RASGRF1: variants seen among roughly 807,000 people sequenced by gnomAD.
The protein encoded by RASGRF1 is Ras protein specific guanine nucleotide releasing factor 1, also known as ras-specific guanine nucleotide-releasing factor 1.
In RASGRF1, 40 loss-of-function variants were observed where a neutral mutation model predicts 138.7. That is an observed-to-expected ratio of 0.29 (90% confidence interval 0.22 to 0.38). RASGRF1 has a LOEUF of 0.38. Ranked by LOEUF, RASGRF1 falls within the 10% of genes least tolerant of loss-of-function variation. The pLI is 1.00. For synonymous variants in RASGRF1, 614 were observed against 663.2 expected, an observed-to-expected ratio of 0.93 and a Z score of 1.14; for missense variants, 1,108 against 1,650.4, an observed-to-expected ratio of 0.67 and a Z score of 5.69.
Position 79,073,029 on chromosome 15 carries a change from T to C in RASGRF1, c.277-8503A>G, listed in dbSNP as rs900041526. On this transcript the variant is annotated intron_variant, in intron 1 of 26. Transcript: ENST00000558480. The surrounding 1 kb of genome is among the most constrained non-coding windows in gnomAD (Gnocchi z 4.2). Reference sequence around the variant, plus strand: ...CCTCTGCGGAACAGCAGCATTGTTCTGGAGTCAGTCCCAGGGACATCCTAG... The same window carrying C: ...CCTCTGCGGAACAGCAGCATTGTTCCGGAGTCAGTCCCAGGGACATCCTAG... Among the ~76,000 whole-genome samples, 17 of 152,186 alleles carry C rather than the reference T, an allele frequency of 1.1e-4. No individual in the cohort carries two copies. Among genetic ancestry groups the C allele is most frequent in the Non-Finnish European group, 2.4e-4 (16 of 68,028 alleles).
At chr15:78,962,502 G>A (rs569411724) in intron 26 of RASGRF1, among the ~76,000 whole-genome samples, 3 of 152,294 alleles carry the variant, frequency 2.0e-5, no homozygotes, top group South Asian at 2.1e-4. Context: ...GAAACTAGGT[G>A]GCAGATATAT....
intron 5 of RASGRF1, among the ~76,000 whole-genome samples, chr15:79,041,007 T>C (rs574450280): frequency 8.9e-4 from 135 of 152,238 alleles, no homozygotes; most frequent in Non-Finnish European, 1.5e-3. Flanking sequence ...ACAGAAATAG[T>C]CCCCATCAAG....
intron 24 of RASGRF1, among the ~76,000 whole-genome samples, chr15:78,976,083 T>C (rs895811357): frequency 6.6e-6 from 1 of 151,640 alleles, no homozygotes; most frequent in Non-Finnish European, 1.5e-5. Context: ...GGACTCAGAG[T>C]GTTTCTCAAG....
In RASGRF1 at chr15:79,003,810, C is replaced by T. The variant is rs1299694196; in HGVS notation, c.2441G>A (p.Ser814Asn). 1.9e-6 allele frequency: 3 copies of T among 1,592,520 alleles called. No homozygotes were observed. In the East Asian group the frequency reaches 6.7e-5, roughly 36 times the overall value. ...ACGGCATGGCCACTCACTCTGCTTG[C>T]TGAGCGCTGAAGGGTCTTCGGGCTT... is the stretch of plus-strand genomic sequence containing the variant. ...PEKPEDPSAL[S>N]KQSSEVSMRE... Residue 814 changes from serine (S) to asparagine (N), a missense_variant, in exon 15 of 27, where the codon AGC becomes AAC. This residue lies in a region of RASGRF1 where 686 missense variants were observed against 976.7 expected (regional missense o/e 0.70). Coordinates refer to ENST00000558480, the MANE Select transcript of RASGRF1 (RefSeq NM_001145648.3).
At chr15:79,054,647 A>G (rs184216346) in intron 3 of RASGRF1, among the ~76,000 whole-genome samples, 6 of 152,312 alleles carry the variant, frequency 3.9e-5, no homozygotes, top group Admixed American at 1.3e-4. Context: ...TTGTGTCTCA[A>G]TCACTGGAGG....
intron 2 of RASGRF1, among the ~76,000 whole-genome samples, chr15:79,059,796 G>A (rs528067016): frequency 6.6e-5 from 10 of 152,202 alleles, no homozygotes; most frequent in African/African-American, 1.9e-4. Context: ...TACATACAGC[G>A]CGAGAGAACA....
intron 16 of RASGRF1, among the ~76,000 whole-genome samples, 167 bp downstream of exon 16, chr15:79,001,495 G>A (rs937737492): frequency 5.3e-5 from 8 of 152,234 alleles, no homozygotes; most frequent in African/African-American, 9.6e-5. Context: ...TTGGGGTGGC[G>A]GGGGGCGGGT....
Position 79,049,531 on chromosome 15 carries a change from T to G in RASGRF1, c.589A>C (p.Asn197His). 6.2e-7 allele frequency: 1 copy of G among 1,614,018 alleles called. No individual in the cohort carries two copies. ...TTCTTGATGTCGCTGTCTTCATCGTTGGGGGCGACAGTCTGGGTGGACTGG... is the reference window on the plus strand; with the variant it reads ...TTCTTGATGTCGCTGTCTTCATCGTGGGGGGCGACAGTCTGGGTGGACTGG... ...RIQSTQTVAP[N>H]DEDSDIKKIK... The change falls in exon 4 of 27, where the codon AAC (asparagine) becomes CAC (histidine). Residue 197 changes from asparagine to histidine, a missense_variant. By Grantham distance (68) the Asn-to-His change is moderately conservative. Around this residue, in one of 3 missense-constraint regions of RASGRF1, gnomAD observed 253 missense variants for 329.5 expected, o/e 0.77. Transcript: ENST00000558480.
At chr15:78,981,901 C>T (rs531563725) in intron 23 of RASGRF1, among the ~76,000 whole-genome samples, 1 of 152,324 alleles carries the variant, frequency 6.6e-6, no homozygotes, top group East Asian at 1.9e-4. Context: ...GGCCCACCTC[C>T]GTTCCAGAGT....
At chr15:79,045,672 A>G (rs944347497) in intron 5 of RASGRF1, among the ~76,000 whole-genome samples, 8 of 151,988 alleles carry the variant, frequency 5.3e-5, no homozygotes, top group Non-Finnish European at 7.4e-5. Flanking sequence ...CTTCAGCCCA[A>G]TCTCTCACCT....
chr15:79,008,856 A>G (rs1379148575), intron 13 of RASGRF1, among the ~76,000 whole-genome samples: 4 of 152,182 alleles, frequency 2.6e-5, no homozygotes, highest in South Asian at 2.1e-4. Flanking sequence ...GACGATGTGC[A>G]GCGCTCCGGA....
chr15:79,073,474 AAGG>A lies in RASGRF1; in HGVS notation c.277-8951_277-8949del, dbSNP rs1025887949. 2.0e-5 allele frequency among the ~76,000 whole-genome samples: 3 copies of A among 152,030 alleles called. No homozygotes were observed. Among genetic ancestry groups the A allele is most frequent in the African/African-American group, 7.2e-5 (3 of 41,398 alleles). ...GGTTGGCAGTATCATCCGAAGCTAT[AAGG>A]AGACCACCTGGAGTCGGGGTTGTGA... On this transcript the variant is annotated intron_variant, in intron 1 of 26. Coordinates refer to ENST00000558480, the MANE Select transcript of RASGRF1 (RefSeq NM_001145648.3). This position sits in a 1 kb window ranked among gnomAD's most constrained non-coding sequence, Gnocchi z 4.2.
Position 78,973,219 on chromosome 15 carries a change from G to T in RASGRF1, c.3612+84C>A, listed in dbSNP as rs1046376217. On this transcript the variant is annotated intron_variant, in intron 25 of 26. Transcript: ENST00000558480. The surrounding 1 kb of genome is among the most constrained non-coding windows in gnomAD (Gnocchi z 4.9). ...CACCCTATGCAGCAGGTTGGGCCTT[G>T]GGGGGCAGAGTGTGGGTGGGCCCCA... 5 of 1,151,136 alleles carry T rather than the reference G, an allele frequency of 4.3e-6. No individual in the cohort carries two copies. The South Asian group carries it at 5.9e-5, about 14-fold the overall frequency. The allele number at this position is 1,151,136 out of a possible 1,614,324, so 71.3% of individuals were successfully genotyped here.
At chr15:79,018,366 T>C (rs953580352) in intron 11 of RASGRF1, among the ~76,000 whole-genome samples, 3 of 152,248 alleles carry the variant, frequency 2.0e-5, no homozygotes, top group African/African-American at 7.2e-5. Flanking sequence ...GACATTTAGT[T>C]CAGTTTAGAG....
chr15:78,972,131 T>A (rs181345497), intron 25 of RASGRF1, among the ~76,000 whole-genome samples, 197 bp from the exon 26 acceptor site: 18 of 152,332 alleles, frequency 1.2e-4, no homozygotes, highest in African/African-American at 4.1e-4. Flanking sequence ...AGTCTCACTC[T>A]GTCGCCCAGG....
rs369223372 is a variant in RASGRF1 at position 79,012,472 on chromosome 15, G to C, written c.1826+2855C>G. The C allele has an allele frequency of 2.6e-6, 4 of 1,516,262 alleles. 1 individual carries two copies. The South Asian group carries it at 4.5e-5, about 17-fold the overall frequency. The allele number at this position is 1,516,262 out of a possible 1,614,324, so 93.9% of individuals were successfully genotyped here. On this transcript the variant is annotated intron_variant, in intron 13 of 26. Transcript: ENST00000558480. ...TCTCTCACTAAACGATGAATTTCCCGAGGACGGAGACCCCACCTGCTCATT... is the reference window on the plus strand; with the variant it reads ...TCTCTCACTAAACGATGAATTTCCCCAGGACGGAGACCCCACCTGCTCATT...
intron 13 of RASGRF1, among the ~76,000 whole-genome samples, chr15:79,013,306 G>C (rs533300163): frequency 2.0e-5 from 3 of 152,174 alleles, no homozygotes; most frequent in African/African-American, 7.2e-5. Flanking sequence ...CCTTTCTGCT[G>C]TACCCCACCA....
intron 1 of RASGRF1, among the ~76,000 whole-genome samples, chr15:79,078,158 C>T (rs1293847214): frequency 4.9e-5 from 3 of 61,360 alleles, no homozygotes; most frequent in Non-Finnish European, 1.1e-4. Flanking sequence ...TGTGTGCATG[C>T]ATGTGCGTAT....
chr15:79,024,565 G>A (rs1187961257), intron 10 of RASGRF1, among the ~76,000 whole-genome samples: 4 of 152,202 alleles, frequency 2.6e-5, no homozygotes, highest in Non-Finnish European at 5.9e-5. Flanking sequence ...GACCCAGTGG[G>A]AGGTAATTGA....
Sources: gnomAD v4.1 joint callset for allele counts (sites outside exome capture counted in the v4.1 genomes callset) on GRCh38, gnomAD v4.1.1 for gene constraint, gnomAD v4.1.1 regional missense constraint, Gnocchi (gnomAD v3.1) non-coding constraint, MANE v1.5 for transcripts, NCBI Gene and HGNC (gene_info 2026-07-23, HGNC 2026-07-21) for gene names.